Variants in LRWD1 observed in about 807,000 individuals in gnomAD.
The protein encoded by LRWD1 is leucine rich repeats and WD repeat domain containing 1.
LRWD1 carries 76 observed loss-of-function variants against 75.6 expected under a neutral mutation model. The observed-to-expected ratio is 1.01, with a 90% CI of 0.84 to 1.22. The LOEUF is 1.22. Among genes scored for constraint, LRWD1 ranks in the 50% most tolerant of loss-of-function variants. The pLI, the probability that LRWD1 is intolerant of heterozygous loss-of-function variation, is 0.00. For missense variants in LRWD1, 917 were observed against 862.0 expected, an observed-to-expected ratio of 1.06 and a Z score of -0.80; for synonymous variants, 487 against 377.0, an observed-to-expected ratio of 1.29 and a Z score of -3.38.
chr7:102,467,131 G>C lies in LRWD1; in HGVS notation c.433-208G>C, dbSNP rs867511979. Reference sequence around the variant, plus strand: ...GGTTGTTGCTGGGGTGTGTGTGTGTGTGTGTGTAGGCACCTGGGTTGTTGC... The same window carrying C: ...GGTTGTTGCTGGGGTGTGTGTGTGTCTGTGTGTAGGCACCTGGGTTGTTGC... On this transcript the variant is annotated intron_variant, in intron 3 of 14. Transcript: ENST00000292616. Among the ~76,000 whole-genome samples the C allele has an allele frequency of 3.2e-3, 454 of 141,760 alleles. 7 individuals are homozygous for C. Among genetic ancestry groups the C allele is most frequent in the African/African-American group, 0.011 (423 of 38,682 alleles). The allele number at this position is 141,760 out of a possible 152,430, so 93.0% of individuals were successfully genotyped here.
Position 102,466,033 on chromosome 7 carries a change from G to A in LRWD1, c.297G>A (p.Glu99=). 2 of 1,614,056 alleles carry A rather than the reference G, an allele frequency of 1.2e-6. No homozygotes were observed. Among genetic ancestry groups the A allele is most frequent in the Non-Finnish European group, 1.7e-6 (2 of 1,180,014 alleles). ...QFPKLEELSL[E]GNPFLTVNDN... is the part of the protein sequence containing the mutation. ...CCAAGCTCGAGGAACTCAGCCTGGA[G>A]GGCAACCCCTTCCTGACGGTAAGTG... The change falls in exon 2 of 15, where the codon GAG becomes GAA. Residue 99 remains glutamate, a synonymous_variant. Coordinates refer to ENST00000292616, the MANE Select transcript of LRWD1 (RefSeq NM_152892.3).
chr7:102,468,384 G>A lies in LRWD1; in HGVS notation c.919+7G>A. 2 of 1,598,996 alleles carry A rather than the reference G, an allele frequency of 1.3e-6. No homozygotes were observed. Among genetic ancestry groups the A allele is most frequent in the Non-Finnish European group, 1.7e-6 (2 of 1,173,266 alleles). ...GAGCCGGCCTGGGAGGAGGGTACAT[G>A]GTGGCGGGCAGGCGGGGCAAGGGCC... On this transcript the variant is annotated splice_region_variant and intron_variant, in intron 7 of 14. Coordinates refer to ENST00000292616, the MANE Select transcript of LRWD1 (RefSeq NM_152892.3).
At position 102,467,733 on chromosome 7, in the gene LRWD1, T is replaced by G. The variant is rs1260533261; in HGVS notation, c.588T>G (p.Ser196=). 1 of 1,551,580 alleles carries G rather than the reference T, an allele frequency of 6.4e-7. No individual in the cohort carries two copies. Among genetic ancestry groups the G allele is most frequent in the Non-Finnish European group, 8.7e-7 (1 of 1,147,050 alleles). The change falls in exon 5 of 15, where the codon TCT becomes TCG. Residue 196 remains serine (S), a synonymous_variant. Transcript: ENST00000292616. The part of the protein sequence containing the change: ...EFTQWRVRMI[S]EELVAASRTQ... ...GCCCCACCCAGGTGCGGATGATCTC[T>G]GAGGAGCTGGTGGCCGCCAGTAGGA...
In LRWD1 at chr7:102,467,401, C is replaced by T. The variant is rs117163893; in HGVS notation, c.495C>T (p.Ala165=). ...TLGPEEEAEK[A]QADFVKSAVR... is the part of the protein sequence containing the mutation. ...GTCCTGAAGAGGAGGCTGAGAAGGC[C>T]CAGGCGGACTTTGTGAAGTCGGCTG... is the stretch of plus-strand genomic sequence containing the variant. The change falls in exon 4 of 15, where the codon GCC becomes GCT. Residue 165 remains alanine, a synonymous_variant. Transcript: ENST00000292616. 8,117 of 1,613,670 alleles carry T rather than the reference C, an allele frequency of 5.0e-3. 381 individuals carry two copies. In the Admixed American group the frequency reaches 0.097, roughly 19 times the overall value.
Position 102,467,793 on chromosome 7 carries a change from C to G in LRWD1, c.648C>G (p.Pro216=), listed in dbSNP as rs1046239813. 6.4e-7 allele frequency: 1 copy of G among 1,550,924 alleles called. No individual in the cohort carries two copies. The highest frequency in any genetic ancestry group is 8.7e-7 in the Non-Finnish European group (1 of 1,147,198). ...AAAAGGCTAACAGCCCAGAGAAGCC[C>G]CCAGAAGCTGGAGCTGCCCACAAGC... ...QVQKANSPEK[P]PEAGAAHKPR... Residue 216 remains proline (P), a synonymous_variant, in exon 5 of 15, where the codon CCC becomes CCG. Coordinates refer to ENST00000292616, the MANE Select transcript of LRWD1 (RefSeq NM_152892.3).
Position 102,472,320 on chromosome 7 carries a change from T to G in LRWD1, c.1534+11T>G, listed in dbSNP as rs545677974. ...ATGAGGACATCGTGGGTGAGTGAGCTCAGCTTGTGGGACAGCCTGGCCTCC... is the reference window on the plus strand; with the variant it reads ...ATGAGGACATCGTGGGTGAGTGAGCGCAGCTTGTGGGACAGCCTGGCCTCC... On this transcript the variant is annotated intron_variant, in intron 12 of 14. Transcript: ENST00000292616. 1 of 1,564,330 alleles carries G rather than the reference T, an allele frequency of 6.4e-7. No individual in the cohort carries two copies. Among genetic ancestry groups the G allele is most frequent in the Non-Finnish European group, 8.7e-7 (1 of 1,153,068 alleles).
chr7:102,470,022 TC>T, intron 11 of LRWD1, 140 bp downstream of exon 11: 1 of 1,078,606 alleles, frequency 9.3e-7, no homozygotes, highest in Non-Finnish European at 1.3e-6. Context: ...AGCTGGCTTG[TC>T]CCACCTTTCT....
chr7:102,467,169 G>GTGTGT (rs773521223), intron 3 of LRWD1, among the ~76,000 whole-genome samples, 170 bp from the exon 4 acceptor site: 6 of 19,816 alleles, frequency 3.0e-4, no homozygotes, highest in South Asian at 8.7e-4. Context: ...GGGTGTGTGT[G>GTGTGT]GGGTGTGTGT....
In LRWD1 at chr7:102,472,983, T is replaced by C; in HGVS notation, c.1878T>C (p.Asn626=). The change falls in exon 15 of 15, where the codon AAT becomes AAC. Residue 626 remains asparagine (N), a synonymous_variant. Transcript: ENST00000292616. ...TKTMVNTVVA[N]ASFTYLTALT... ...CCATGGTGAACACAGTGGTGGCCAA[T>C]GCCTCCTTCACCTACCTCACCGCCC... 7 of 1,613,624 alleles carry C rather than the reference T, an allele frequency of 4.3e-6. No individual in the cohort carries two copies. Among genetic ancestry groups the C allele is most frequent in the South Asian group, 1.1e-5 (1 of 91,072 alleles).
chr7:102,469,838 C>T lies in LRWD1; in HGVS notation c.1398C>T (p.Gly466=), dbSNP rs1278520044. 6.3e-7 allele frequency: 1 copy of T among 1,599,770 alleles called. No individual in the cohort carries two copies. The highest frequency in any genetic ancestry group is 1.1e-5 in the South Asian group (1 of 89,832). Residue 466 remains glycine, a synonymous_variant, in exon 11 of 15, where the codon GGC becomes GGT. Coordinates refer to ENST00000292616, the MANE Select transcript of LRWD1 (RefSeq NM_152892.3). The stretch of plus-strand genomic sequence containing the variant: ...GCCTGCTGGCCGGCTGCGAGGGCGG[C>T]TGCTGCTGCTGGGACGTGCGGCTGG... ...DARLLAGCEG[G]CCCWDVRLDQ... is the part of the protein sequence containing the mutation.
In LRWD1 at chr7:102,472,822, C is replaced by G. The variant is rs765020161; in HGVS notation, c.1803+18C>G. ...CCACACAGGTACTGCCCGGCTCACC[C>G]TGCCCAGGCTTGGGCTGGCAAGGCA... On this transcript the variant is annotated intron_variant, in intron 14 of 14. Transcript: ENST00000292616. 2.5e-6 allele frequency: 4 copies of G among 1,612,766 alleles called. No individual in the cohort carries two copies. The highest frequency in any genetic ancestry group is 4.5e-5 in the East Asian group (2 of 44,864).
rs1554579596 is a variant in LRWD1, at chr7:102,467,171, G to GTGTGTGTGT, written c.433-168_433-167insTGTGTGTGT. ...TGGGTTGTTGCTGGGGTGTGTGTGGGGTGTGTGTGTGTGTGTGTGTGTGTG... is the reference window on the plus strand; with the variant it reads ...TGGGTTGTTGCTGGGGTGTGTGTGGGTGTGTGTGTGTGTGTGTGTGTGTGTGTGTGTGTG... On this transcript the variant is annotated intron_variant, in intron 3 of 14. Transcript: ENST00000292616. 1.6e-3 allele frequency among the ~76,000 whole-genome samples: 154 copies of GTGTGTGTGT among 99,146 alleles called. 8 individuals carry two copies. Among genetic ancestry groups the GTGTGTGTGT allele is most frequent in the African/African-American group, 4.0e-3 (92 of 22,810 alleles). 65.0% of individuals were successfully genotyped at this position (99,146 alleles called of 152,430 possible). A position where few individuals can be genotyped will look rare whatever the true frequency, so the allele number is the denominator to read the frequency against.
intron 7 of LRWD1, 87 bp from the exon 8 acceptor site, chr7:102,468,467 C>A: frequency 6.5e-7 from 1 of 1,537,204 alleles, no homozygotes; most frequent in Non-Finnish European, 8.8e-7. Flanking sequence ...TTAAAAGGCG[C>A]CATCAAGGCT....
At position 102,468,630 on chromosome 7, in the gene LRWD1, C is replaced by T. The variant is rs922050550; in HGVS notation, c.996C>T (p.Leu332=). ...CVIDCQTGIV[L]HKYKAPGEEF... ...TTGATTGCCAGACGGGCATCGTGCT[C>T]CACAAGTACAAGGCACCCGGCGAGG... The change falls in exon 8 of 15, where the codon CTC becomes CTT. Residue 332 remains leucine (L), a synonymous_variant. Transcript: ENST00000292616. 5 of 1,573,808 alleles carry T rather than the reference C, an allele frequency of 3.2e-6. No individual in the cohort carries two copies. In the African/African-American group the frequency reaches 6.8e-5, roughly 21 times the overall value.
Position 102,466,230 on chromosome 7 carries a change from A to G in LRWD1, c.392A>G (p.Tyr131Cys), listed in dbSNP as rs750898527. ...AATGGCAAGGATGCGTCCTCAACTTACTCTCAGGTGGAGAACCTGAATCGG... is the reference window on the plus strand; with the variant it reads ...AATGGCAAGGATGCGTCCTCAACTTGCTCTCAGGTGGAGAACCTGAATCGG... ...KVNGKDASST[Y>C]SQVENLNREL... The change falls in exon 3 of 15, where the codon TAC becomes TGC. Residue 131 changes from tyrosine (Y) to cysteine (C), a missense_variant. Tyr to Cys is a radical substitution (Grantham distance 194). Transcript: ENST00000292616. 1.2e-6 allele frequency: 2 copies of G among 1,613,906 alleles called. No individual in the cohort carries two copies. The highest frequency in any genetic ancestry group is 1.1e-5 in the South Asian group (1 of 91,068).
chr7:102,470,077 G>C, intron 11 of LRWD1, 195 bp downstream of exon 11: 1 of 695,690 alleles, frequency 1.4e-6, no homozygotes, highest in Non-Finnish European at 2.2e-6. Flanking sequence ...TCTCACCCTG[G>C]GTTCAGCTGT....
chr7:102,472,530 CACGGTG>C lies in LRWD1; in HGVS notation c.1612_1617del (p.Thr538_Val539del). 6.3e-7 allele frequency: 1 copy of C among 1,580,302 alleles called. No homozygotes were observed. Among genetic ancestry groups the C allele is most frequent in the Non-Finnish European group, 8.6e-7 (1 of 1,164,636 alleles). On this transcript the variant is annotated inframe_deletion, in exon 13 of 15. Transcript: ENST00000292616. ...CGTGGGGGGGCCGGGGCAGCCAGTC[CACGGTG>C]GCAGTGGTGGTCCTGGCGCGGCTGC...
rs370005669 is a variant in LRWD1 at position 102,469,750 on chromosome 7, T to C, written c.1310T>C (p.Leu437Pro). 5.0e-6 allele frequency: 8 copies of C among 1,609,136 alleles called. No individual in the cohort carries two copies. The South Asian group carries it at 6.6e-5, about 13-fold the overall frequency. The change falls in exon 11 of 15, where the codon CTC (leucine) becomes CCC (proline). Residue 437 changes from leucine (L) to proline (P), a missense_variant. Physicochemically the swap from Leu to Pro is moderately conservative, Grantham distance 98. Transcript: ENST00000292616. ...CCCTTGCCCACTGGCAGCCAGCTGCTCACACTGGACACCACCTCTATCCCC... is the reference window on the plus strand; with the variant it reads ...CCCTTGCCCACTGGCAGCCAGCTGCCCACACTGGACACCACCTCTATCCCC... ...QDYEFQASQL[L>P]TLDTTSIPLR... is the part of the protein sequence containing the mutation.
rs367870084 is a variant in LRWD1 at position 102,466,141 on chromosome 7, C to T, written c.316-13C>T. 11 of 1,613,532 alleles carry T rather than the reference C, an allele frequency of 6.8e-6. No individual in the cohort carries two copies. In the Admixed American group the frequency reaches 1.5e-4, roughly 22 times the overall value. On this transcript the variant is annotated splice_polypyrimidine_tract_variant and intron_variant, in intron 2 of 14. Coordinates refer to ENST00000292616, the MANE Select transcript of LRWD1 (RefSeq NM_152892.3). Reference sequence around the variant, plus strand: ...ATCTCCTGAGCCACTGCTCTTCACCCTCTCTTCCCCAGGTCAATGACAACC... The same window carrying T: ...ATCTCCTGAGCCACTGCTCTTCACCTTCTCTTCCCCAGGTCAATGACAACC...
Sources: gnomAD v4.1 joint callset for allele counts (sites outside exome capture counted in the v4.1 genomes callset) on GRCh38, gnomAD v4.1.1 for gene constraint, MANE v1.5 for transcripts, NCBI Gene and HGNC (gene_info 2026-07-23, HGNC 2026-07-21) for gene names.